GRM8: variants seen among roughly 807,000 people sequenced by gnomAD.
GRM8 encodes metabotropic glutamate receptor 8.
In GRM8, 47 loss-of-function variants were observed where a neutral mutation model predicts 87.2. That is an observed-to-expected ratio of 0.54 (90% CI 0.43 to 0.69). The LOEUF (loss-of-function observed/expected upper bound fraction) is 0.69. GRM8 is among the 30% of genes least tolerant of loss of function. The pLI is 0.00. For missense variants in GRM8, 1,019 were observed against 1,139.2 expected (o/e 0.89, Z 1.52); for synonymous variants, 396 against 404.5 (o/e 0.98, Z 0.25).
intron 7 of GRM8, among the ~76,000 whole-genome samples, chr7:126,690,983 C>T (rs990217457): frequency 4.6e-5 from 7 of 152,174 alleles, no homozygotes; most frequent in East Asian, 3.9e-4. Flanking sequence ...AGAAAAAGCA[C>T]GGCAAGTTCT....
intron 6 of GRM8, among the ~76,000 whole-genome samples, chr7:126,801,513 T>A (rs1334361837): frequency 4.0e-5 from 6 of 150,488 alleles, no homozygotes; most frequent in Admixed American, 3.9e-4. Context: ...AATGATGATA[T>A]GCTTATGTTT....
intron 2 of GRM8, among the ~76,000 whole-genome samples, chr7:127,212,940 C>T (rs1796311077): frequency 6.6e-6 from 1 of 152,196 alleles, no homozygotes; most frequent in African/African-American, 2.4e-5. Context: ...GGTCCTGAAT[C>T]TCCTCTGTAA....
intron 7 of GRM8, among the ~76,000 whole-genome samples, chr7:126,645,187 T>C (rs2151218880): frequency 6.6e-6 from 1 of 152,364 alleles, no homozygotes; most frequent in Admixed American, 6.5e-5. Context: ...GGGAGGAACC[T>C]GAACTCTTCT....
rs113773725 is a variant in GRM8, at chr7:126,904,509, C to T, written c.863+39G>A. 33 of 1,589,354 alleles carry T rather than the reference C, an allele frequency of 2.1e-5. No individual in the cohort carries two copies. In the African/African-American group the frequency reaches 3.9e-4, roughly 19 times the overall value. On this transcript the variant is annotated intron_variant, in intron 4 of 10. Coordinates refer to ENST00000339582, the MANE Select transcript of GRM8 (RefSeq NM_000845.3). ...TATGTTAGAAAGAGGATATGGGACA[C>T]AAATCTGACCCTACATACAGAAGAA...
intron 6 of GRM8, among the ~76,000 whole-genome samples, chr7:126,774,681 T>C (rs1819227327): frequency 6.6e-6 from 1 of 152,170 alleles, no homozygotes; most frequent in Non-Finnish European, 1.5e-5. Flanking sequence ...TTAAGGTCTT[T>C]CACACTTTGT....
At chr7:126,992,811 GTGTGTGTGTGTGTGTGTA>G (rs1184857414) in intron 3 of GRM8, among the ~76,000 whole-genome samples, 1 of 150,254 alleles carries the variant, frequency 6.7e-6, no homozygotes, top group African/African-American at 2.5e-5. Flanking sequence ...CTCTCCGTGT[GTGTGTGTGTGTGTGTGTA>G]TGTGTGTGTG....
intron 2 of GRM8, among the ~76,000 whole-genome samples, chr7:127,119,705 T>G (rs965417924): frequency 6.6e-6 from 1 of 152,192 alleles, no homozygotes; most frequent in African/African-American, 2.4e-5. Flanking sequence ...CAGTTCAGTC[T>G]GCTTTCTGTT....
chr7:126,919,968 T>G (rs551783768), intron 3 of GRM8, among the ~76,000 whole-genome samples: 136 of 152,314 alleles, frequency 8.9e-4, no homozygotes, highest in African/African-American at 3.2e-3. Context: ...TGTTATAAAC[T>G]GAATGTCTGT....
chr7:127,141,381 C>T (rs1442914362), intron 2 of GRM8, among the ~76,000 whole-genome samples: 1 of 151,952 alleles, frequency 6.6e-6, no homozygotes, highest in East Asian at 1.9e-4. Context: ...GATAGTTTAC[C>T]TTAATTTTAC....
intron 7 of GRM8, among the ~76,000 whole-genome samples, chr7:126,687,543 C>T (rs985243503): frequency 1.1e-4 from 17 of 151,708 alleles, no homozygotes; most frequent in African/African-American, 3.9e-4. Context: ...ATGCACATTA[C>T]TACTACAAAT....
At chr7:126,728,191 T>C (rs975542180) in intron 7 of GRM8, among the ~76,000 whole-genome samples, 10 of 152,204 alleles carry the variant, frequency 6.6e-5, no homozygotes, top group South Asian at 2.1e-4. Context: ...ACAGATCCAG[T>C]AGGGGACTGC....
At chr7:126,444,407 A>G (rs577280430) in intron 10 of GRM8, among the ~76,000 whole-genome samples, 149 of 152,234 alleles carry the variant, frequency 9.8e-4, no homozygotes, top group African/African-American at 3.2e-3. Context: ...CTTGCTTCGC[A>G]TATTTCTTAC....
intron 7 of GRM8, among the ~76,000 whole-genome samples, chr7:126,684,556 G>T (rs906044922): frequency 6.6e-6 from 1 of 152,182 alleles, no homozygotes; most frequent in Non-Finnish European, 1.5e-5. Context: ...GGGCTCCATC[G>T]GAGGCAGTAA....
chr7:126,929,789 G>A (rs1250495145), intron 3 of GRM8, among the ~76,000 whole-genome samples: 1 of 152,008 alleles, frequency 6.6e-6, no homozygotes, highest in Non-Finnish European at 1.5e-5. Flanking sequence ...TTTGAATTCT[G>A]TACTCATACA....
intron 3 of GRM8, among the ~76,000 whole-genome samples, chr7:126,921,645 C>CAGA (rs2131365131): frequency 6.6e-6 from 1 of 151,856 alleles, no homozygotes; most frequent in East Asian, 1.9e-4. Context: ...AATGTGAAGT[C>CAGA]AGAAGAAAAT....
chr7:126,769,124 T>C (rs886719604), intron 7 of GRM8, among the ~76,000 whole-genome samples: 3 of 152,084 alleles, frequency 2.0e-5, no homozygotes, highest in African/African-American at 4.8e-5. Context: ...CAGAGCATTC[T>C]ATCATTTCAT....
intron 7 of GRM8, among the ~76,000 whole-genome samples, chr7:126,724,316 T>C (rs1812732538): frequency 1.3e-5 from 2 of 152,144 alleles, no homozygotes; most frequent in Non-Finnish European, 2.9e-5. Flanking sequence ...CAATTCCAAA[T>C]CTGGCTCTGA....
chr7:126,840,290 T>C (rs1051908113), intron 6 of GRM8, among the ~76,000 whole-genome samples: 6 of 152,214 alleles, frequency 3.9e-5, no homozygotes, highest in African/African-American at 1.4e-4. Context: ...AGGTCATTCA[T>C]GAATCAAGTT....
At chr7:126,586,941 G>A (rs954233041) in intron 8 of GRM8, among the ~76,000 whole-genome samples, 6 of 151,900 alleles carry the variant, frequency 3.9e-5, no homozygotes, top group Admixed American at 3.3e-4. Context: ...TCTGACAAAG[G>A]GCTAATATCC....
Sources: gnomAD v4.1 joint callset for allele counts (sites outside exome capture counted in the v4.1 genomes callset) on GRCh38, gnomAD v4.1.1 for gene constraint, MANE v1.5 for transcripts, NCBI Gene and HGNC (gene_info 2026-07-23, HGNC 2026-07-21) for gene names.